The following WWOX variants were observed in gnomAD, a reference collection of about 807,000 sequenced individuals.
The protein encoded by WWOX is WW domain-containing oxidoreductase.
WWOX carries 69 observed loss-of-function variants against 46.2 expected under a neutral mutation model. That is an observed-to-expected ratio of 1.49 (90% CI 1.23 to 1.82). The LOEUF is 1.82. Among genes scored for constraint, WWOX ranks in the 40% most tolerant of loss-of-function variants. The pLI, the probability that WWOX is intolerant of heterozygous loss-of-function variation, is 0.00. For missense variants in WWOX, 919 were observed against 542.6 expected (o/e 1.69, Z -6.89); for synonymous variants, 359 against 202.6 (o/e 1.77, Z -6.56).
At chr16:78,418,834 A>C (rs552619903) in intron 6 of WWOX, among the ~76,000 whole-genome samples, 81 of 152,298 alleles carry the variant, frequency 5.3e-4, no homozygotes, top group African/African-American at 1.8e-3. Context: ...CACAAATGAC[A>C]TCATAATTAA....
At chr16:78,312,839 C>T (rs1351467328) in intron 5 of WWOX, among the ~76,000 whole-genome samples, 1 of 152,202 alleles carries the variant, frequency 6.6e-6, no homozygotes, top group Non-Finnish European at 1.5e-5. Flanking sequence ...CTAGGCTCTG[C>T]CCTAAGTGGT....
intron 8 of WWOX, among the ~76,000 whole-genome samples, chr16:79,092,396 C>G (rs950287677): frequency 1.3e-5 from 2 of 152,138 alleles, no homozygotes; most frequent in Non-Finnish European, 2.9e-5. Flanking sequence ...TTAATAAAGC[C>G]AGAGGCGATA....
intron 8 of WWOX, among the ~76,000 whole-genome samples, chr16:78,509,606 G>A (rs1476351326): frequency 6.6e-6 from 1 of 152,146 alleles, no homozygotes; most frequent in Non-Finnish European, 1.5e-5. Context: ...TCCCAGCCCT[G>A]CATTCAGGGA....
chr16:79,208,969 A>C (rs1027579372), intron 8 of WWOX, among the ~76,000 whole-genome samples: 1 of 152,154 alleles, frequency 6.6e-6, no homozygotes, highest in Non-Finnish European at 1.5e-5. Context: ...TGAGAAGGAG[A>C]ATTTGCCAAA....
intron 8 of WWOX, among the ~76,000 whole-genome samples, chr16:79,136,950 A>G (rs770095729): frequency 1.3e-5 from 2 of 152,214 alleles, no homozygotes; most frequent in African/African-American, 4.8e-5. Context: ...TCCTCCCCCT[A>G]TCTTACAGAG....
chr16:78,787,433 G>A (rs745393677), intron 8 of WWOX, among the ~76,000 whole-genome samples: 13 of 152,250 alleles, frequency 8.5e-5, no homozygotes, highest in African/African-American at 3.1e-4. Context: ...GTGGCCTTTT[G>A]TGTCTGGCTT....
At chr16:78,664,549 C>T (rs1201960593) in intron 8 of WWOX, among the ~76,000 whole-genome samples, 1 of 152,188 alleles carries the variant, frequency 6.6e-6, no homozygotes, top group Admixed American at 6.5e-5. Context: ...ATAAAGTCTC[C>T]CACTTAAAAT....
Position 78,727,246 on chromosome 16 carries a change from A to G in WWOX, c.1056+294494A>G, listed in dbSNP as rs536824816. ...AAACCCTGTCTCTACTAGAAATACAAAAATTAGCTGGGTTTGGTGACAAAC... is the reference window on the plus strand; with the variant it reads ...AAACCCTGTCTCTACTAGAAATACAGAAATTAGCTGGGTTTGGTGACAAAC... On this transcript the variant is annotated intron_variant, in intron 8 of 8. Coordinates refer to ENST00000566780, the MANE Select transcript of WWOX (RefSeq NM_016373.4). 3.9e-5 allele frequency among the ~76,000 whole-genome samples: 6 copies of G among 152,288 alleles called. No homozygotes were observed. In the East Asian group the frequency reaches 9.7e-4, roughly 25 times the overall value.
At chr16:78,866,880 C>A (rs747735284) in intron 8 of WWOX, among the ~76,000 whole-genome samples, 23 of 152,186 alleles carry the variant, frequency 1.5e-4, no homozygotes, top group Non-Finnish European at 2.9e-4. Context: ...AGAAGCCAAG[C>A]CTGCAGCATC....
chr16:78,996,426 C>A, intron 8 of WWOX: 2 of 811,636 alleles, frequency 2.5e-6, no homozygotes, highest in South Asian at 5.8e-5. Flanking sequence ...TCAAAGTTTG[C>A]AAAGAATGGA....
At chr16:78,398,806 G>A (rs1050182764) in intron 6 of WWOX, among the ~76,000 whole-genome samples, 8 of 152,180 alleles carry the variant, frequency 5.3e-5, no homozygotes, top group Non-Finnish European at 1.0e-4. Flanking sequence ...TTGTTGAGAG[G>A]ATTCAATAAC....
chr16:78,540,191 G>A (rs866147935), intron 8 of WWOX, among the ~76,000 whole-genome samples: 4 of 151,462 alleles, frequency 2.6e-5, no homozygotes, highest in African/African-American at 4.9e-5. Context: ...AAGCAAAATG[G>A]TAACAATAGA....
At chr16:78,918,219 A>G (rs778435490) in intron 8 of WWOX, among the ~76,000 whole-genome samples, 3 of 152,208 alleles carry the variant, frequency 2.0e-5, no homozygotes, top group Non-Finnish European at 1.5e-5. Flanking sequence ...TCTCAAAGAT[A>G]AAAGAAAGAA....
chr16:79,013,280 A>G (rs1567484478), intron 8 of WWOX, among the ~76,000 whole-genome samples: 4 of 151,944 alleles, frequency 2.6e-5, no homozygotes, highest in Admixed American at 1.3e-4. Context: ...AATAAAATGC[A>G]TACGCCTGTC....
chr16:78,774,294 AGGAGGCT>A (rs1300030027), intron 8 of WWOX, among the ~76,000 whole-genome samples: 5 of 152,174 alleles, frequency 3.3e-5, no homozygotes, highest in African/African-American at 1.2e-4. Flanking sequence ...CCAGCTACTC[AGGAGGCT>A]GAAAAAGGAG....
At chr16:78,822,981 T>C (rs2051545855) in intron 8 of WWOX, among the ~76,000 whole-genome samples, 1 of 152,168 alleles carries the variant, frequency 6.6e-6, no homozygotes, top group Non-Finnish European at 1.5e-5. Flanking sequence ...GTGTTGTTTG[T>C]AAATTTGTGA....
intron 6 of WWOX, among the ~76,000 whole-genome samples, chr16:78,395,352 C>G (rs1327638470): frequency 6.6e-6 from 1 of 152,098 alleles, no homozygotes; most frequent in African/African-American, 2.4e-5. Context: ...AACCTTGTCT[C>G]TACAAAAATT....
intron 8 of WWOX, among the ~76,000 whole-genome samples, chr16:78,982,803 TTTTA>T (rs1350080041): frequency 1.4e-4 from 21 of 152,196 alleles, no homozygotes; most frequent in Non-Finnish European, 7.4e-5. Flanking sequence ...CTAAAATATA[TTTTA>T]TTTATCAAAT....
At chr16:78,830,833 T>A (rs1469356500) in intron 8 of WWOX, among the ~76,000 whole-genome samples, 4 of 151,974 alleles carry the variant, frequency 2.6e-5, no homozygotes, top group African/African-American at 9.7e-5. Context: ...ACTATTTCTG[T>A]CGTTTGCAGA....
Sources: allele counts gnomAD v4.1 joint callset (sites outside exome capture counted in the v4.1 genomes callset), GRCh38; gene constraint gnomAD v4.1.1; transcripts MANE v1.5; gene names NCBI Gene and HGNC (gene_info 2026-07-23, HGNC 2026-07-21).